The following NFATC2 variants were observed in gnomAD, a reference collection of about 807,000 sequenced individuals.
NFATC2 encodes the protein nuclear factor of activated T-cells, cytoplasmic 2.
Under a neutral mutation model 87.3 loss-of-function variants are expected in NFATC2, and 22 were observed. The ratio of observed to expected loss-of-function variants is 0.25; its 90% CI spans 0.18 to 0.36. NFATC2 has a LOEUF of 0.36. NFATC2 is among the 10% of genes least tolerant of loss of function. NFATC2 has a pLI of 1.00. For synonymous variants in NFATC2, 565 were observed against 542.2 expected (o/e 1.04, Z -0.58); for missense variants, 1,149 against 1,259.1 (o/e 0.91, Z 1.32).
At chr20:51,485,015 C>T (rs1989589288) in intron 3 of NFATC2, among the ~76,000 whole-genome samples, 2 of 152,330 alleles carry the variant, frequency 1.3e-5, no homozygotes, top group African/African-American at 4.8e-5. Flanking sequence ...AATTAAGAAT[C>T]AAGTCATTCT....
intron 3 of NFATC2, among the ~76,000 whole-genome samples, chr20:51,489,663 G>A (rs189328897): frequency 1.3e-4 from 20 of 152,224 alleles, no homozygotes; most frequent in Admixed American, 5.9e-4. Context: ...TACGTGCACC[G>A]GCCTGCTTTA....
chr20:51,480,937 C>T lies in NFATC2; in HGVS notation c.1333-5277G>A, dbSNP rs1989201272. ...AAGTGAGAACCAACGTGAAGGCCTCCCATATGGGAAAGCCCAGGCACTAAT... is the reference window on the plus strand; with the variant it reads ...AAGTGAGAACCAACGTGAAGGCCTCTCATATGGGAAAGCCCAGGCACTAAT... On this transcript the variant is annotated intron_variant, in intron 3 of 10. Transcript: ENST00000371564. This position sits in a 1 kb window ranked among gnomAD's most constrained non-coding sequence, Gnocchi z 4.2. Among the ~76,000 whole-genome samples the T allele has an allele frequency of 6.6e-6, 1 of 152,090 alleles. No homozygotes were observed. Among genetic ancestry groups the T allele is most frequent in the African/African-American group, 2.4e-5 (1 of 41,420 alleles).
intron 1 of NFATC2, 90 bp downstream of exon 1, chr20:51,542,280 C>A: frequency 6.8e-7 from 1 of 1,462,294 alleles, no homozygotes; most frequent in Non-Finnish European, 9.1e-7. Flanking sequence ...GGAAGGGGGA[C>A]GGCTGGAGCC....
upstream of NFATC2, chr20:51,562,799 T>A: frequency 3.5e-6 from 2 of 571,804 alleles, no homozygotes. The surrounding 1 kb of genome is among the most constrained non-coding windows in gnomAD (Gnocchi z 5.8). Flanking sequence ...CTCGGCGGAG[T>A]CGGCGCGGCT....
chr20:51,561,467 G>GA (rs1162967063), intron 1 of NFATC2, among the ~76,000 whole-genome samples: 5 of 136,178 alleles, frequency 3.7e-5, no homozygotes, highest in Non-Finnish European at 6.3e-5. Context: ...AAGAAAGAAA[G>GA]AAAGAAAGAA....
rs2076520054 is a variant in NFATC2, at chr20:51,524,953, CTCACACCTGGAA to C, written c.131-855_131-844del. ...AATGGATGCAGGCCGGGCGTGGTGG[CTCACACCTGGAA>C]TCCCGGCACTTCGGGAGGCTGAGGC... is the stretch of plus-strand genomic sequence containing the variant. On this transcript the variant is annotated intron_variant, in intron 1 of 10. Coordinates refer to ENST00000371564, the MANE Select transcript of NFATC2 (RefSeq NM_012340.5). This position sits in a 1 kb window ranked among gnomAD's most constrained non-coding sequence, Gnocchi z 4.0. 6.6e-6 allele frequency among the ~76,000 whole-genome samples: 1 copy of C among 152,190 alleles called. No individual in the cohort carries two copies. Among genetic ancestry groups the C allele is most frequent in the African/African-American group, 2.4e-5 (1 of 41,444 alleles).
rs529251038 is a variant in NFATC2 at position 51,409,386 on chromosome 20, T to C, written c.2723-10656A>G. On this transcript the variant is annotated intron_variant, in intron 9 of 10. Transcript: ENST00000371564. ...GAAAAATAGGCTTTACAATGGAATA[T>C]TATGCAGCAGAGAAAAGGAAAGAAT... is the stretch of plus-strand genomic sequence containing the variant. Among the ~76,000 whole-genome samples the C allele has an allele frequency of 2.0e-5, 3 of 152,260 alleles. No individual in the cohort carries two copies. The East Asian group carries it at 5.8e-4, about 29-fold the overall frequency.
intron 1 of NFATC2, among the ~76,000 whole-genome samples, chr20:51,527,000 G>A (rs2076555801): frequency 6.6e-6 from 1 of 152,062 alleles, no homozygotes; most frequent in South Asian, 2.1e-4. Flanking sequence ...CCAGGCTCAA[G>A]CAATCCTCCC....
At chr20:51,491,540 T>G (rs1487847886) in intron 3 of NFATC2, among the ~76,000 whole-genome samples, 1 of 152,030 alleles carries the variant, frequency 6.6e-6, no homozygotes, top group East Asian at 1.9e-4. Flanking sequence ...GATTTCCAGC[T>G]CCCGGTGTGA....
At chr20:51,514,956 A>C (rs73913458) in intron 3 of NFATC2, among the ~76,000 whole-genome samples, 2,064 of 152,246 alleles carry the variant, frequency 0.014, 47 homozygotes, top group African/African-American at 0.047. Context: ...CCCAAGGGAG[A>C]GGAAGTGCAC....
chr20:51,423,204 T>G (rs559577220), intron 9 of NFATC2, among the ~76,000 whole-genome samples: 62 of 146,622 alleles, frequency 4.2e-4, no homozygotes, highest in Non-Finnish European at 3.4e-4. Flanking sequence ...GCAGGCAGAT[T>G]GCTTGAGCCT....
At chr20:51,476,678 G>C (rs572256985) in intron 3 of NFATC2, among the ~76,000 whole-genome samples, 1 of 152,172 alleles carries the variant, frequency 6.6e-6, no homozygotes, top group Admixed American at 6.5e-5. Flanking sequence ...AGCACCTAGA[G>C]TAACGCTTGG....
At chr20:51,512,555 AC>A (rs1369666671) in intron 3 of NFATC2, among the ~76,000 whole-genome samples, 5 of 152,242 alleles carry the variant, frequency 3.3e-5, no homozygotes, top group African/African-American at 1.2e-4. Context: ...AGGTTTGGGA[AC>A]AAACTTTCTC....
intron 10 of NFATC2, among the ~76,000 whole-genome samples, chr20:51,395,099 GTCTT>G (rs1295450624): frequency 1.3e-5 from 2 of 152,208 alleles, no homozygotes; most frequent in African/African-American, 4.8e-5. Flanking sequence ...CTTGTTTGGA[GTCTT>G]TCTCTCTATG....
intron 3 of NFATC2, among the ~76,000 whole-genome samples, chr20:51,487,104 TTC>T (rs758354378): frequency 2.0e-5 from 3 of 152,136 alleles, no homozygotes; most frequent in Non-Finnish European, 1.5e-5. Context: ...CTCCCGGAGT[TTC>T]TCACTCAGGA....
intron 1 of NFATC2, among the ~76,000 whole-genome samples, chr20:51,539,721 A>C (rs1044362868): frequency 6.6e-6 from 1 of 152,106 alleles, no homozygotes; most frequent in Admixed American, 6.6e-5. Flanking sequence ...CTGGTCTTGA[A>C]GCCCTGGACT....
intron 3 of NFATC2, among the ~76,000 whole-genome samples, chr20:51,515,359 T>G (rs1328534261): frequency 6.6e-6 from 1 of 152,190 alleles, no homozygotes; most frequent in Admixed American, 6.5e-5. Context: ...TGGCCATGCC[T>G]TCAGAACAGG....
intron 9 of NFATC2, among the ~76,000 whole-genome samples, chr20:51,423,605 G>A (rs1268137476): frequency 6.6e-6 from 1 of 152,182 alleles, no homozygotes; most frequent in African/African-American, 2.4e-5. Flanking sequence ...CTTTCACAAG[G>A]ATATTCACCT....
At chr20:51,549,682 G>A (rs2076917190) in intron 1 of NFATC2, among the ~76,000 whole-genome samples, 1 of 152,180 alleles carries the variant, frequency 6.6e-6, no homozygotes, top group Admixed American at 6.5e-5. Flanking sequence ...CTGTAAAATG[G>A]GAAGAGATGA....
Sources: allele counts gnomAD v4.1 joint callset (sites outside exome capture counted in the v4.1 genomes callset), GRCh38; gene constraint gnomAD v4.1.1; non-coding constraint Gnocchi (gnomAD v3.1); transcripts MANE v1.5; gene names NCBI Gene and HGNC (gene_info 2026-07-23, HGNC 2026-07-21).